Variants in MTUS2 observed in about 807,000 individuals in gnomAD.
MTUS2 encodes microtubule associated scaffold protein 2.
A neutral mutation model predicts 114.1 loss-of-function variants in MTUS2; 40 were observed. The ratio of observed to expected loss-of-function variants is 0.35; its 90% CI spans 0.27 to 0.46. MTUS2 has a LOEUF of 0.46. Among genes scored for constraint, MTUS2 ranks in the 20% least tolerant of loss-of-function variants. The probability of loss-of-function intolerance (pLI) is 1.00; values close to 1 mark genes in which losing one functional copy is unlikely to be tolerated. For missense variants in MTUS2, 1,679 were observed against 1,705.4 expected, an observed-to-expected ratio of 0.98 and a Z score of 0.27; for synonymous variants, 688 against 672.0, an observed-to-expected ratio of 1.02 and a Z score of -0.37.
intron 5 of MTUS2, among the ~76,000 whole-genome samples, chr13:29,119,254 T>A (rs1268063542): frequency 6.6e-5 from 10 of 152,190 alleles, no homozygotes. Flanking sequence ...AACTGAGGAA[T>A]AAATTCCCCA....
intron 5 of MTUS2, among the ~76,000 whole-genome samples, chr13:29,102,115 A>C (rs1890443086): frequency 6.6e-6 from 1 of 152,222 alleles, no homozygotes; most frequent in Admixed American, 6.5e-5. Flanking sequence ...ACATCATTAC[A>C]CAGTAGGGGT....
intron 2 of MTUS2, among the ~76,000 whole-genome samples, chr13:28,843,022 C>T (rs112915347): frequency 7.3e-4 from 111 of 152,304 alleles, no homozygotes; most frequent in African/African-American, 2.6e-3. Flanking sequence ...TTTCCAGTCT[C>T]CTTGGATCCG....
At chr13:28,899,658 T>C (rs972160757) in intron 2 of MTUS2, among the ~76,000 whole-genome samples, 64 of 152,008 alleles carry the variant, frequency 4.2e-4, no homozygotes, top group African/African-American at 1.5e-3. Context: ...GATCTGCCCG[T>C]CTCGGCCTCC....
At chr13:29,126,622 T>G (rs565875173) in intron 5 of MTUS2, among the ~76,000 whole-genome samples, 3 of 147,266 alleles carry the variant, frequency 2.0e-5, no homozygotes, top group African/African-American at 7.4e-5. Context: ...CTTATGAGAT[T>G]TTTTTGTGAT....
At chr13:28,943,328 G>T (rs1882347114) in intron 2 of MTUS2, among the ~76,000 whole-genome samples, 1 of 152,222 alleles carries the variant, frequency 6.6e-6, no homozygotes, top group Non-Finnish European at 1.5e-5. Context: ...TTGGGCTAGT[G>T]ATGGTGATAC....
intron 5 of MTUS2, among the ~76,000 whole-genome samples, chr13:29,241,569 C>T (rs1046637259): frequency 6.6e-6 from 1 of 152,152 alleles, no homozygotes; most frequent in Non-Finnish European, 1.5e-5. Flanking sequence ...TTCAGTCTCT[C>T]TTCAAACCCC....
intron 5 of MTUS2, among the ~76,000 whole-genome samples, chr13:29,156,220 A>C (rs185685026): frequency 7.9e-5 from 12 of 152,258 alleles, no homozygotes; most frequent in African/African-American, 2.9e-4. Context: ...TTGAATTATA[A>C]GTGATTATAA....
chr13:29,184,653 A>G (rs2139171500), intron 5 of MTUS2, among the ~76,000 whole-genome samples: 1 of 152,332 alleles, frequency 6.6e-6, no homozygotes, highest in East Asian at 1.9e-4. Flanking sequence ...TCCAATCATT[A>G]GCTGTCCTGT....
chr13:29,134,877 T>C (rs190602939), intron 5 of MTUS2, among the ~76,000 whole-genome samples: 228 of 152,318 alleles, frequency 1.5e-3, no homozygotes, highest in Non-Finnish European at 2.5e-3. Context: ...TGAGCCACCG[T>C]ACCCGGCCAA....
chr13:29,166,273 T>C (rs561622585), intron 5 of MTUS2, among the ~76,000 whole-genome samples: 1 of 152,342 alleles, frequency 6.6e-6, no homozygotes, highest in South Asian at 2.1e-4. Flanking sequence ...GTTTTACTGA[T>C]CCGTAGACTT....
intron 7 of MTUS2, among the ~76,000 whole-genome samples, chr13:29,337,858 G>A (rs148671174): frequency 6.2e-4 from 92 of 149,368 alleles, no homozygotes; most frequent in African/African-American, 2.1e-3. Context: ...GCACAATCTC[G>A]GCTCACTGCA....
At chr13:29,235,233 A>T (rs1896491646) in intron 5 of MTUS2, among the ~76,000 whole-genome samples, 1 of 152,078 alleles carries the variant, frequency 6.6e-6, no homozygotes, top group African/African-American at 2.4e-5. Context: ...AGTAGCTGGG[A>T]TAGGCATGCG....
intron 2 of MTUS2, among the ~76,000 whole-genome samples, chr13:28,948,511 T>G (rs1464583644): frequency 2.6e-5 from 4 of 152,204 alleles, no homozygotes; most frequent in Admixed American, 2.6e-4. Context: ...CCTGCCTGTC[T>G]GAAGTTCTGT....
chr13:28,909,080 T>C (rs1288394632), intron 2 of MTUS2, among the ~76,000 whole-genome samples: 1 of 151,558 alleles, frequency 6.6e-6, no homozygotes, highest in Non-Finnish European at 1.5e-5. Flanking sequence ...CCATGCTGTT[T>C]TGGTTACTGT....
intron 2 of MTUS2, among the ~76,000 whole-genome samples, chr13:29,013,404 A>C (rs1885933332): frequency 6.6e-6 from 1 of 152,186 alleles, no homozygotes; most frequent in East Asian, 1.9e-4. Flanking sequence ...AAATTTAAAA[A>C]AATTGCCTTC....
At chr13:29,381,937 T>C (rs1176461971) in intron 8 of MTUS2, among the ~76,000 whole-genome samples, 1 of 152,230 alleles carries the variant, frequency 6.6e-6, no homozygotes, top group East Asian at 1.9e-4. Flanking sequence ...GTTGTGCTGA[T>C]GTCCATCATT....
At chr13:29,344,233 G>T (rs1293868682) in intron 7 of MTUS2, among the ~76,000 whole-genome samples, 1 of 49,358 alleles carries the variant, frequency 2.0e-5, no homozygotes, top group Non-Finnish European at 6.5e-5. Flanking sequence ...CCTGTCTAGT[G>T]CTGTCAGTGG....
At chr13:29,368,905 G>A (rs1870966231) in intron 8 of MTUS2, among the ~76,000 whole-genome samples, 1 of 152,210 alleles carries the variant, frequency 6.6e-6, no homozygotes, top group South Asian at 2.1e-4. Context: ...CAGCATCTTG[G>A]GAAATGCCTG....
chr13:29,277,301 G>C (rs770086071), intron 5 of MTUS2, among the ~76,000 whole-genome samples: 2 of 152,126 alleles, frequency 1.3e-5, no homozygotes, highest in Non-Finnish European at 2.9e-5. Flanking sequence ...TTTTACATCT[G>C]TGCTTCCTTT....
Sources: allele counts gnomAD v4.1 joint callset (sites outside exome capture counted in the v4.1 genomes callset), GRCh38; gene constraint gnomAD v4.1.1; transcripts MANE v1.5; gene names NCBI Gene and HGNC (gene_info 2026-07-23, HGNC 2026-07-21).